The following PDXDC1 variants were observed in gnomAD, a reference collection of about 807,000 sequenced individuals.
PDXDC1 encodes the protein pyridoxal dependent decarboxylase domain containing 1, also known as pyridoxal-dependent decarboxylase domain-containing protein 1.
Under a neutral mutation model 100.1 loss-of-function variants are expected in PDXDC1, and 42 were observed. That is an observed-to-expected ratio of 0.42 (90% CI 0.33 to 0.54). The LOEUF is 0.54. Among genes scored for constraint, PDXDC1 ranks in the 20% least tolerant of loss-of-function variants. The probability of loss-of-function intolerance (pLI) is 0.10; values close to 1 mark genes in which losing one functional copy is unlikely to be tolerated. For missense variants in PDXDC1, 636 were observed against 979.2 expected (o/e 0.65, Z 4.68); for synonymous variants, 260 against 371.7 (o/e 0.70, Z 3.46).
At chr16:15,002,319 T>C in intron 4 of PDXDC1, among the ~76,000 whole-genome samples, 1 of 152,302 alleles carries the variant, frequency 6.6e-6, no homozygotes, top group African/African-American at 2.4e-5. Flanking sequence ...CCTACCATGT[T>C]TTCTTCTCTA....
chr16:15,132,400 GGAAGGGGCA>G (rs1401373376), intron 16 of PDXDC1, among the ~76,000 whole-genome samples: 9 of 99,148 alleles, frequency 9.1e-5, no homozygotes, highest in Non-Finnish European at 1.1e-4. Flanking sequence ...GTTAGGGGAG[GGAAGGGGCA>G]GGGGAGGGGC....
intron 21 of PDXDC1, 81 bp downstream of exon 21, chr16:15,034,634 C>T (rs2043286018): frequency 2.0e-6 from 2 of 978,378 alleles, no homozygotes; most frequent in South Asian, 2.7e-5. Flanking sequence ...ACACTTCCCA[C>T]TGAGAATCCC....
chr16:15,075,515 G>A (rs1160095762), intron 16 of PDXDC1, among the ~76,000 whole-genome samples: 1 of 151,906 alleles, frequency 6.6e-6, no homozygotes, highest in Non-Finnish European at 1.5e-5. Flanking sequence ...AGGCTGGAGT[G>A]GGCCAAGATC....
intron 16 of PDXDC1, among the ~76,000 whole-genome samples, chr16:15,057,768 A>G (rs977896384): frequency 1.3e-5 from 2 of 152,236 alleles, no homozygotes; most frequent in African/African-American, 2.4e-5. Context: ...GTAGTCAATC[A>G]AAGTGAGGCA....
chr16:15,098,256 A>C (rs1421486222), intron 16 of PDXDC1, among the ~76,000 whole-genome samples: 5 of 149,650 alleles, frequency 3.3e-5, no homozygotes, highest in Non-Finnish European at 7.4e-5. Flanking sequence ...GCTGGGGTAC[A>C]GTGGCACAAG....
At chr16:15,011,001 C>G (rs1406775610) in intron 8 of PDXDC1, among the ~76,000 whole-genome samples, 1 of 152,296 alleles carries the variant, frequency 6.6e-6, no homozygotes, top group African/African-American at 2.4e-5. Flanking sequence ...CAGTTCTTCC[C>G]AAACTAATCT....
rs1159521017 is a variant in PDXDC1, at chr16:14,984,495, ATT to A, written c.21+9292_21+9293del. 9.5e-4 allele frequency among the ~76,000 whole-genome samples: 70 copies of A among 73,468 alleles called. 1 individual carries two copies. In the South Asian group the frequency reaches 9.7e-3, roughly 10 times the overall value. 48.2% of individuals were successfully genotyped at this position (73,468 alleles called of 152,430 possible). A position where few individuals can be genotyped will look rare whatever the true frequency, so the allele number is the denominator to read the frequency against. Reference sequence around the variant, plus strand: ...TGTATACATATATATATATATATATATTTTTTTTTTTTTTTTTTCTGAGACGG... The same window carrying A: ...TGTATACATATATATATATATATATATTTTTTTTTTTTTTTTCTGAGACGG... On this transcript the variant is annotated intron_variant, in intron 1 of 22. Coordinates refer to ENST00000396410, the MANE Select transcript of PDXDC1 (RefSeq NM_015027.4).
At chr16:15,063,171 T>C in intron 16 of PDXDC1, 1 of 1,457,164 alleles carries the variant, frequency 6.9e-7, no homozygotes, top group South Asian at 1.1e-5. Flanking sequence ...ATTCCGAGAG[T>C]GTGCTCAATC....
At position 15,110,080 on chromosome 16, in the gene PDXDC1, A is replaced by G. The variant is rs905617954; in HGVS notation, c.1400-28799A>G. Among the ~76,000 whole-genome samples, 6 of 149,186 alleles carry G rather than the reference A, an allele frequency of 4.0e-5. 1 individual carries two copies. Among genetic ancestry groups the G allele is most frequent in the Non-Finnish European group, 6.0e-5 (4 of 66,756 alleles). On this transcript the variant is annotated intron_variant, in intron 16 of 16. Coordinates refer to the PDXDC1 transcript ENST00000535621. ...GAGGCAGGAGAATTGCTTGAACCCAAAAGACAGTGAGCTGAGATTGTGCCA... is the reference window on the plus strand; with the variant it reads ...GAGGCAGGAGAATTGCTTGAACCCAGAAGACAGTGAGCTGAGATTGTGCCA...
At chr16:15,078,755 A>G (rs1365200602) in intron 16 of PDXDC1, among the ~76,000 whole-genome samples, 5 of 151,260 alleles carry the variant, frequency 3.3e-5, no homozygotes, top group Middle Eastern at 3.2e-3. Context: ...CCCACCAGCA[A>G]CTGAACCTGG....
At chr16:14,976,026 C>G (rs1359021266) in intron 1 of PDXDC1, among the ~76,000 whole-genome samples, 2 of 152,302 alleles carry the variant, frequency 1.3e-5, no homozygotes, top group African/African-American at 4.8e-5. Flanking sequence ...TCTGGTTTCC[C>G]CTTGGGGGAA....
At chr16:15,149,684 A>G in the PDXDC1 span, among the ~76,000 whole-genome samples, 1 of 152,178 alleles carries the variant, frequency 6.6e-6, no homozygotes, top group African/African-American at 2.4e-5. Flanking sequence ...TCAGTGAACC[A>G]AGCACCTACC....
intron 5 of PDXDC1, among the ~76,000 whole-genome samples, chr16:15,004,805 C>T (rs1288100255): frequency 2.6e-5 from 4 of 152,256 alleles, no homozygotes; most frequent in African/African-American, 7.2e-5. Context: ...AACTGAGGCA[C>T]ATCTTCCCAT....
intron 16 of PDXDC1, chr16:15,048,102 GT>G: frequency 6.4e-7 from 1 of 1,558,234 alleles, no homozygotes; most frequent in Non-Finnish European, 8.7e-7. Context: ...GCTCTTTCCT[GT>G]TTAATTAAAA....
intron 16 of PDXDC1, chr16:15,055,873 G>A (rs2044492498): frequency 1.6e-6 from 2 of 1,212,656 alleles, no homozygotes; most frequent in Admixed American, 4.2e-5. Context: ...CCGAAGCCCC[G>A]CGCCGCGCCC....
intron 16 of PDXDC1, among the ~76,000 whole-genome samples, chr16:15,109,874 C>T (rs1404208096): frequency 1.4e-5 from 2 of 138,018 alleles, no homozygotes; most frequent in East Asian, 2.1e-4. Flanking sequence ...AAAAAAAAGG[C>T]TGGGTGTGGT....
downstream of PDXDC1, chr16:15,038,634 G>A: frequency 1.2e-6 from 2 of 1,610,260 alleles, no homozygotes; most frequent in Non-Finnish European, 1.7e-6. Flanking sequence ...ATGGTGTCCA[G>A]GAGTACGGTC....
At chr16:15,085,633 A>G (rs1330998871) in intron 16 of PDXDC1, 1 of 1,612,356 alleles carries the variant, frequency 6.2e-7, no homozygotes, top group Non-Finnish European at 8.5e-7. Flanking sequence ...ACCTTTTTAT[A>G]CTTACTATCA....
chr16:15,126,508 T>TG (rs2047736631), intron 16 of PDXDC1, among the ~76,000 whole-genome samples: 2 of 130,594 alleles, frequency 1.5e-5, no homozygotes, highest in South Asian at 5.5e-4. Context: ...TCCTAAGGGG[T>TG]GCGGCCTCCC....
Sources: allele counts gnomAD v4.1 joint callset (sites outside exome capture counted in the v4.1 genomes callset), GRCh38; gene constraint gnomAD v4.1.1; transcripts MANE v1.5; gene names NCBI Gene and HGNC (gene_info 2026-07-23, HGNC 2026-07-21).